The following SUPT3H variants were observed in gnomAD, a reference collection of about 807,000 sequenced individuals.
The protein encoded by SUPT3H is transcription initiation protein SPT3 homolog.
Under a neutral mutation model 44.3 loss-of-function variants are expected in SUPT3H, and 44 were observed. The observed-to-expected ratio is 0.99, with a 90% CI of 0.78 to 1.28. SUPT3H has a LOEUF of 1.28. Among genes scored for constraint, SUPT3H ranks in the 50% most tolerant of loss-of-function variants. The pLI is 0.00. For synonymous variants in SUPT3H, 124 were observed against 125.6 expected (o/e 0.99, Z 0.09); for missense variants, 380 against 387.1 (o/e 0.98, Z 0.15).
chr6:44,998,386 TATAA>T (rs908886739), intron 6 of SUPT3H, among the ~76,000 whole-genome samples: 3 of 151,958 alleles, frequency 2.0e-5, no homozygotes, highest in African/African-American at 7.2e-5. Context: ...CATCAAGATT[TATAA>T]ATAAATTGGT....
chr6:45,116,182 G>GT (rs1444420620), intron 2 of SUPT3H, among the ~76,000 whole-genome samples: 2 of 152,088 alleles, frequency 1.3e-5, no homozygotes, highest in African/African-American at 4.8e-5. Flanking sequence ...ATTTAAGGAA[G>GT]TTTGCCCTCA....
chr6:45,176,821 C>G (rs978017298), intron 2 of SUPT3H, among the ~76,000 whole-genome samples: 1 of 152,116 alleles, frequency 6.6e-6, no homozygotes, highest in Non-Finnish European at 1.5e-5. Flanking sequence ...CAGACTGACA[C>G]AAGGCCAGGT....
intron 3 of SUPT3H, among the ~76,000 whole-genome samples, chr6:45,037,610 G>A (rs1337017410): frequency 6.6e-6 from 1 of 151,796 alleles, no homozygotes; most frequent in Non-Finnish European, 1.5e-5. Flanking sequence ...GTTGCAATGA[G>A]CTGAGATCAT....
intron 2 of SUPT3H, among the ~76,000 whole-genome samples, chr6:45,253,885 TAC>T: frequency 1.6e-5 from 1 of 62,060 alleles, no homozygotes; most frequent in Non-Finnish European, 3.4e-5. Context: ...ACACACACAG[TAC>T]ATATATAGAA....
chr6:45,187,918 C>T (rs985581832), intron 2 of SUPT3H, among the ~76,000 whole-genome samples: 1 of 152,152 alleles, frequency 6.6e-6, no homozygotes, highest in Admixed American at 6.5e-5. Context: ...CAACTGTGGT[C>T]AGAAAATATT....
At chr6:44,931,743 T>G (rs1255773799) in intron 10 of SUPT3H, among the ~76,000 whole-genome samples, 1 of 151,928 alleles carries the variant, frequency 6.6e-6, no homozygotes, top group Non-Finnish European at 1.5e-5. Context: ...AAATAAAGGA[T>G]GGAAAGAAAG....
chr6:45,270,787 G>T (rs2153661721), intron 2 of SUPT3H, among the ~76,000 whole-genome samples: 1 of 152,338 alleles, frequency 6.6e-6, no homozygotes, highest in Admixed American at 6.5e-5. Context: ...GGAGGGCTCA[G>T]AAAGACAGGA....
At chr6:44,943,983 T>C (rs1200535301) in intron 9 of SUPT3H, among the ~76,000 whole-genome samples, 1 of 152,110 alleles carries the variant, frequency 6.6e-6, no homozygotes, top group Admixed American at 6.6e-5. Context: ...TAAGCTCTTT[T>C]TTTTAGTTGC....
At chr6:44,956,975 A>AT (rs1775314595) in intron 7 of SUPT3H, among the ~76,000 whole-genome samples, 2 of 152,206 alleles carry the variant, frequency 1.3e-5, no homozygotes, top group Admixed American at 1.3e-4. Flanking sequence ...CCAAGCGCGT[A>AT]TGTAACCTTT....
intron 2 of SUPT3H, among the ~76,000 whole-genome samples, chr6:45,159,839 T>A (rs1454490797): frequency 6.6e-6 from 1 of 152,146 alleles, no homozygotes; most frequent in Non-Finnish European, 1.5e-5. Flanking sequence ...ATGTCAGGAA[T>A]TTTTCAAAAA....
intron 2 of SUPT3H, among the ~76,000 whole-genome samples, chr6:45,148,582 C>T (rs1806454204): frequency 6.6e-6 from 1 of 152,142 alleles, no homozygotes; most frequent in South Asian, 2.1e-4. Flanking sequence ...CTCAGTTCAC[C>T]ATGTGAGTTG....
chr6:44,927,788 A>T lies in SUPT3H; in HGVS notation c.912+4865T>A, dbSNP rs1280941352. On this transcript the variant is annotated intron_variant, in intron 10 of 10. Transcript: ENST00000371459. Reference sequence around the variant, plus strand: ...TTTCAATGGTACAAACTATTAGTCCATAAACAAACCACATTATTATTGAAA... The same window carrying T: ...TTTCAATGGTACAAACTATTAGTCCTTAAACAAACCACATTATTATTGAAA... 2.0e-5 allele frequency among the ~76,000 whole-genome samples: 3 copies of T among 152,360 alleles called. No homozygotes were observed. The East Asian group carries it at 5.8e-4, about 29-fold the overall frequency.
At chr6:45,133,425 T>A (rs553235195) in intron 2 of SUPT3H, among the ~76,000 whole-genome samples, 44 of 152,328 alleles carry the variant, frequency 2.9e-4, no homozygotes, top group Non-Finnish European at 6.0e-4. Context: ...TTTTACATTA[T>A]AATCATTGTA....
chr6:45,277,686 C>T (rs1162785517), intron 2 of SUPT3H, among the ~76,000 whole-genome samples: 1 of 152,160 alleles, frequency 6.6e-6, no homozygotes, highest in Admixed American at 6.5e-5. Context: ...GATTTACACA[C>T]ACGCAATTCC....
intron 2 of SUPT3H, among the ~76,000 whole-genome samples, chr6:45,316,930 G>C (rs750495287): frequency 6.6e-6 from 1 of 152,088 alleles, no homozygotes; most frequent in Admixed American, 6.6e-5. Flanking sequence ...AAAGAATATT[G>C]TTAAGGCCAG....
intron 3 of SUPT3H, among the ~76,000 whole-genome samples, chr6:45,065,446 G>C (rs1297067974): frequency 6.8e-5 from 10 of 147,836 alleles, no homozygotes; most frequent in Admixed American, 4.7e-4. Flanking sequence ...CAGAAGGCAA[G>C]AAATAACTAA....
rs573484608 is a variant in SUPT3H at position 45,018,137 on chromosome 6, G to C, written c.273+2409C>G. On this transcript the variant is annotated intron_variant, in intron 4 of 10. Transcript: ENST00000371459. ...TGAATGGGAGTTCACTCATGAGTTGGCTCTCTGTTTGTCTGTTATTGGTGT... is the reference window on the plus strand; with the variant it reads ...TGAATGGGAGTTCACTCATGAGTTGCCTCTCTGTTTGTCTGTTATTGGTGT... Among the ~76,000 whole-genome samples, 239 of 151,586 alleles carry C rather than the reference G, an allele frequency of 1.6e-3. 6 individuals carry two copies. The East Asian group carries it at 0.044, about 28-fold the overall frequency.
At chr6:45,071,259 C>G (rs1230491534) in intron 3 of SUPT3H, among the ~76,000 whole-genome samples, 1 of 149,340 alleles carries the variant, frequency 6.7e-6, no homozygotes, top group Non-Finnish European at 1.5e-5. Context: ...GTCAGTAAAC[C>G]AAGGATTCCC....
At chr6:45,044,525 C>T (rs1044575981) in intron 3 of SUPT3H, among the ~76,000 whole-genome samples, 1 of 152,076 alleles carries the variant, frequency 6.6e-6, no homozygotes, top group Non-Finnish European at 1.5e-5. Flanking sequence ...TATTATGCAT[C>T]CAAACAGCTA....
Sources: allele counts gnomAD v4.1 joint callset (sites outside exome capture counted in the v4.1 genomes callset), GRCh38; gene constraint gnomAD v4.1.1; transcripts MANE v1.5; gene names NCBI Gene and HGNC (gene_info 2026-07-23, HGNC 2026-07-21).